Variants in CFHR4 observed in about 807,000 individuals in gnomAD.
CFHR4 encodes the protein complement factor H-related protein 4.
Under a neutral mutation model 69.3 loss-of-function variants are expected in CFHR4, and 64 were observed. That is an observed-to-expected ratio of 0.92 (90% confidence interval 0.76 to 1.14). CFHR4 has a LOEUF of 1.14. Among genes scored for constraint, CFHR4 ranks in the 50% most tolerant of loss-of-function variants. The pLI, the probability that CFHR4 is intolerant of heterozygous loss-of-function variation, is 0.00. For missense variants in CFHR4, 636 were observed against 684.9 expected (o/e 0.93, Z 0.80); for synonymous variants, 244 against 237.0 (o/e 1.03, Z -0.27).
chr1:196,915,783 C>T lies in CFHR4; in HGVS notation c.1540+645C>T, dbSNP rs534432088. ...CTTCAAGAATGACATCCATTTATTGCGCACATATGAAATATGGCATCTCAG... is the reference window on the plus strand; with the variant it reads ...CTTCAAGAATGACATCCATTTATTGTGCACATATGAAATATGGCATCTCAG... On this transcript the variant is annotated intron_variant, in intron 9 of 9. Coordinates refer to ENST00000608469, the MANE Select transcript of CFHR4 (RefSeq NM_001201550.3). Among the ~76,000 whole-genome samples the T allele has an allele frequency of 8.6e-4, 131 of 151,590 alleles. 6 individuals are homozygous for T. Among genetic ancestry groups the T allele is most frequent in the African/African-American group, 2.8e-3 (114 of 41,204 alleles).
rs764544276 is a variant in CFHR4, at chr1:196,914,467, AG to A, written c.1181-27del. Reference sequence around the variant, plus strand: ...AGTTGTGCATCGTATGGCATAGAAAAGCAATCCTCAATTTTATTTTGTTTCA... The same window carrying A: ...AGTTGTGCATCGTATGGCATAGAAAACAATCCTCAATTTTATTTTGTTTCA... On this transcript the variant is annotated intron_variant, in intron 7 of 9. Coordinates refer to ENST00000608469, the MANE Select transcript of CFHR4 (RefSeq NM_001201550.3). The A allele has an allele frequency of 1.9e-6, 3 of 1,595,524 alleles. 1 individual carries two copies. Among genetic ancestry groups the A allele is most frequent in the East Asian group, 4.5e-5 (2 of 44,318 alleles).
chr1:196,904,478 C>T (rs1657800925), intron 2 of CFHR4, among the ~76,000 whole-genome samples: 1 of 151,346 alleles, frequency 6.6e-6, no homozygotes, highest in Admixed American at 6.6e-5. Flanking sequence ...CTACCTTATA[C>T]ATATACCCAT....
Position 196,907,415 on chromosome 1 carries a change from A to G in CFHR4, c.716A>G (p.Gln239Arg), listed in dbSNP as rs1398162415. Reference protein sequence around the residue: ...VYLPWSRVEYQCQSYYELQGS... With the variant: ...VYLPWSRVEYRCQSYYELQGS... ...CTGCCATGGTCAAGAGTCGAGTACC[A>G]GTGCCAGTCCTACTATGAACTTCAG... Residue 239 changes from glutamine (Q) to arginine (R), a missense_variant, in exon 5 of 10, where the codon CAG becomes CGG. Around this residue, in one of 3 missense-constraint regions of CFHR4, gnomAD observed 529 missense variants for 533.2 expected, o/e 0.99. Coordinates refer to ENST00000608469, the MANE Select transcript of CFHR4 (RefSeq NM_001201550.3). The G allele has an allele frequency of 6.2e-7, 1 of 1,612,098 alleles. No homozygotes were observed. Among genetic ancestry groups the G allele is most frequent in the South Asian group, 1.1e-5 (1 of 91,038 alleles).
intron 4 of CFHR4, 43 bp from the exon 5 acceptor site, chr1:196,907,273 T>C (rs768821818): frequency 3.9e-6 from 6 of 1,530,956 alleles, no homozygotes; most frequent in South Asian, 2.2e-5. Flanking sequence ...AAGTTTCCAA[T>C]AAAACTGTTG....
At chr1:196,903,133 C>T (rs1033903224) in intron 2 of CFHR4, among the ~76,000 whole-genome samples, 4 of 151,216 alleles carry the variant, frequency 2.6e-5, no homozygotes, top group African/African-American at 7.3e-5. Context: ...CAGATGCATT[C>T]GTGTCAGTTA....
In CFHR4 at chr1:196,893,399, A is replaced by G. The variant is rs535871877; in HGVS notation, c.58+5191A>G. Among the ~76,000 whole-genome samples the G allele has an allele frequency of 3.9e-4, 59 of 151,548 alleles. 1 individual carries two copies. Among genetic ancestry groups the G allele is most frequent in the Admixed American group, 7.2e-4 (11 of 15,214 alleles). Reference sequence around the variant, plus strand: ...GGGTGACCTTTACAGATATTGCCATATGTTGCTGGGATGGGGGTTGGTGGT... The same window carrying G: ...GGGTGACCTTTACAGATATTGCCATGTGTTGCTGGGATGGGGGTTGGTGGT... On this transcript the variant is annotated intron_variant, in intron 1 of 9. Coordinates refer to ENST00000608469, the MANE Select transcript of CFHR4 (RefSeq NM_001201550.3).
chr1:196,917,656 A>C (rs1251687175), intron 9 of CFHR4, among the ~76,000 whole-genome samples: 3 of 150,446 alleles, frequency 2.0e-5, no homozygotes, highest in Admixed American at 2.0e-4. Context: ...ACAGATATTG[A>C]GGTGTATGTA....
intron 1 of CFHR4, among the ~76,000 whole-genome samples, chr1:196,901,543 A>T (rs1558240938): frequency 6.6e-6 from 1 of 151,388 alleles, no homozygotes; most frequent in East Asian, 1.9e-4. Context: ...AATGTGTAGT[A>T]TAAGGTTTCT....
chr1:196,917,063 G>A (rs771063827), intron 9 of CFHR4, among the ~76,000 whole-genome samples: 1 of 151,656 alleles, frequency 6.6e-6, no homozygotes, highest in African/African-American at 2.4e-5. Flanking sequence ...GCCTCTGAAT[G>A]TATTGAAGAG....
At chr1:196,914,148 T>C (rs796258083) in intron 7 of CFHR4, among the ~76,000 whole-genome samples, 31 of 151,530 alleles carry the variant, frequency 2.0e-4, no homozygotes, top group African/African-American at 7.3e-4. Flanking sequence ...AACTTTTAAA[T>C]TCACAAAATT....
chr1:196,902,662 G>A, intron 2 of CFHR4, 47 bp downstream of exon 2: 1 of 1,336,928 alleles, frequency 7.5e-7, no homozygotes, highest in South Asian at 1.2e-5. Context: ...CTTGAAAAGA[G>A]TGAGAGAACA....
chr1:196,918,210 A>C lies in CFHR4; in HGVS notation c.1541A>C (p.His514Pro). 2 of 1,602,976 alleles carry C rather than the reference A, an allele frequency of 1.2e-6. No homozygotes were observed. Among genetic ancestry groups the C allele is most frequent in the African/African-American group, 2.7e-5 (2 of 74,162 alleles). The stretch of plus-strand genomic sequence containing the variant: ...TAATTGTTTCTTTTTCTGCTTTCAG[A>C]TCCATGTATAATAACTGAAGAAAAC... The part of the protein sequence containing the change: ...GEWSEPPRCI[H>P]PCIITEENMN... Residue 514 changes from histidine to proline, a missense_variant and splice_region_variant, in exon 10 of 10, where the codon CAT becomes CCT. Physicochemically the swap from His to Pro is moderately conservative, Grantham distance 77. Coordinates refer to ENST00000608469, the MANE Select transcript of CFHR4 (RefSeq NM_001201550.3).
At chr1:196,914,357 T>C in intron 7 of CFHR4, 138 bp from the exon 8 acceptor site, 1 of 757,480 alleles carries the variant, frequency 1.3e-6, no homozygotes, top group Non-Finnish European at 2.0e-6. Context: ...AAAGCACTGA[T>C]TGTCAGACTA....
chr1:196,898,535 T>C (rs1054271986), intron 1 of CFHR4, among the ~76,000 whole-genome samples: 6 of 151,662 alleles, frequency 4.0e-5, no homozygotes, highest in East Asian at 1.9e-4. Context: ...TGTGTGTATA[T>C]GAATAGATAT....
At chr1:196,902,692 G>A in intron 2 of CFHR4, 77 bp downstream of exon 2, 1 of 1,111,446 alleles carries the variant, frequency 9.0e-7, no homozygotes, top group East Asian at 2.4e-5. Context: ...TGATTATATT[G>A]TCTTATATAA....
Position 196,909,927 on chromosome 1 carries a change from C to G in CFHR4, c.800-354C>G, listed in dbSNP as rs192353133. Among the ~76,000 whole-genome samples the G allele has an allele frequency of 3.3e-3, 497 of 151,022 alleles. 16 individuals carry two copies. Among genetic ancestry groups the G allele is most frequent in the African/African-American group, 0.011 (464 of 40,916 alleles). ...AGGACTTTGGGAAGCCAAAGCAGGT[C>G]GATCACCTGAGGTCAGGAGTTCGAG... On this transcript the variant is annotated intron_variant, in intron 5 of 9. Transcript: ENST00000608469.
intron 6 of CFHR4, among the ~76,000 whole-genome samples, chr1:196,911,791 T>A (rs1486433911): frequency 6.6e-6 from 1 of 151,562 alleles, no homozygotes; most frequent in East Asian, 1.9e-4. Flanking sequence ...CTAATAAATA[T>A]TGTTGTGTGT....
At chr1:196,917,746 C>T (rs986329813) in intron 9 of CFHR4, among the ~76,000 whole-genome samples, 1 of 151,432 alleles carries the variant, frequency 6.6e-6, no homozygotes, top group African/African-American at 2.4e-5. Flanking sequence ...TTCTACAGTT[C>T]TTTTTCTACA....
chr1:196,901,586 A>G (rs578218443), intron 1 of CFHR4, among the ~76,000 whole-genome samples: 1 of 151,390 alleles, frequency 6.6e-6, no homozygotes, highest in South Asian at 2.1e-4. Context: ...GAAAAAATGA[A>G]TATTCTTCTG....
Sources: allele counts gnomAD v4.1 joint callset (sites outside exome capture counted in the v4.1 genomes callset), GRCh38; gene constraint gnomAD v4.1.1; regional missense constraint gnomAD v4.1.1; transcripts MANE v1.5; gene names NCBI Gene and HGNC (gene_info 2026-07-23, HGNC 2026-07-21).